SOX13: variants seen among roughly 807,000 people sequenced by gnomAD.
SOX13 encodes transcription factor SOX-13.
SOX13 carries 28 observed loss-of-function variants against 71.8 expected under a neutral mutation model. The observed-to-expected ratio is 0.39, with a 90% confidence interval of 0.29 to 0.53. SOX13 has a LOEUF of 0.53. Ranked by LOEUF, SOX13 falls within the 20% of genes least tolerant of loss-of-function variation. The pLI is 0.70. For synonymous variants in SOX13, 309 were observed against 317.8 expected (o/e 0.97, Z 0.29); for missense variants, 627 against 810.3 (o/e 0.77, Z 2.75).
At chr1:204,089,393 ACT>A (rs1274576878) in intron 1 of SOX13, among the ~76,000 whole-genome samples, 1 of 151,992 alleles carries the variant, frequency 6.6e-6, no homozygotes, top group Non-Finnish European at 1.5e-5. Context: ...CTTCCCTCCC[ACT>A]CTCATGCCCG....
At chr1:204,082,086 G>T (rs563678251) in intron 1 of SOX13, among the ~76,000 whole-genome samples, 1 of 151,320 alleles carries the variant, frequency 6.6e-6, no homozygotes, top group East Asian at 2.0e-4. Flanking sequence ...GTGTGGGGGG[G>T]AGGGAAGCTG....
chr1:204,120,443 C>G (rs1009024479), intron 7 of SOX13, among the ~76,000 whole-genome samples: 2 of 152,258 alleles, frequency 1.3e-5, no homozygotes, highest in African/African-American at 2.4e-5. Flanking sequence ...ATTAAGCAAG[C>G]AAGGTCCCTT....
At chr1:204,079,668 C>G (rs985839744) in intron 1 of SOX13, among the ~76,000 whole-genome samples, 1 of 152,088 alleles carries the variant, frequency 6.6e-6, no homozygotes, top group Non-Finnish European at 1.5e-5. Flanking sequence ...AACCTTGTAG[C>G]TACCACCTGC....
chr1:204,092,125 G>T (rs1177000547), intron 1 of SOX13, among the ~76,000 whole-genome samples: 2 of 151,636 alleles, frequency 1.3e-5, no homozygotes, highest in African/African-American at 4.9e-5. Context: ...CTAGCTCACT[G>T]CAGCCTTGAG....
At chr1:204,088,638 CAG>C (rs1571569252) in intron 1 of SOX13, among the ~76,000 whole-genome samples, 1 of 152,214 alleles carries the variant, frequency 6.6e-6, no homozygotes, top group East Asian at 1.9e-4. Flanking sequence ...TGACTGGGAA[CAG>C]AGTCAGTGTG....
intron 1 of SOX13, among the ~76,000 whole-genome samples, chr1:204,079,161 G>A (rs1655845208): frequency 6.6e-6 from 1 of 151,960 alleles, no homozygotes; most frequent in Non-Finnish European, 1.5e-5. Flanking sequence ...AGCCGGGCGT[G>A]GAGGCGTGTG....
intron 1 of SOX13, among the ~76,000 whole-genome samples, chr1:204,111,546 C>T (rs1656579449): frequency 6.6e-6 from 1 of 152,220 alleles, no homozygotes; most frequent in Non-Finnish European, 1.5e-5. Context: ...AAAGGAACAG[C>T]AGGTGCAGAG....
At chr1:204,122,015 T>C (rs766276959) in intron 8 of SOX13, 30 bp downstream of exon 8, 9 of 1,497,446 alleles carry the variant, frequency 6.0e-6, no homozygotes, top group Non-Finnish European at 6.5e-6. Context: ...GGCCTGGGGC[T>C]CCCTCTCGAG....
chr1:204,082,591 A>G (rs1655932284), intron 1 of SOX13, among the ~76,000 whole-genome samples: 1 of 152,128 alleles, frequency 6.6e-6, no homozygotes, highest in Non-Finnish European at 1.5e-5. Flanking sequence ...AGCACTTAAT[A>G]TGGGAGTGTC....
intron 1 of SOX13, among the ~76,000 whole-genome samples, chr1:204,111,072 A>G (rs1656571548): frequency 6.6e-6 from 1 of 152,220 alleles, no homozygotes; most frequent in African/African-American, 2.4e-5. Flanking sequence ...GGCATGCTGA[A>G]GCTGCTGGTC....
chr1:204,097,649 C>T (rs1656277765), intron 1 of SOX13, among the ~76,000 whole-genome samples: 2 of 149,456 alleles, frequency 1.3e-5, no homozygotes, highest in African/African-American at 5.0e-5. Context: ...CGAGATTGCG[C>T]CATTGCATTC....
intron 1 of SOX13, among the ~76,000 whole-genome samples, chr1:204,097,458 G>T (rs186348082): frequency 6.6e-6 from 1 of 152,084 alleles, no homozygotes; most frequent in Non-Finnish European, 1.5e-5. Flanking sequence ...TTGGGAGGCC[G>T]AGGTGGGTGG....
chr1:204,106,818 T>C (rs1335910563), intron 1 of SOX13, among the ~76,000 whole-genome samples: 1 of 152,058 alleles, frequency 6.6e-6, no homozygotes, highest in Non-Finnish European at 1.5e-5. Flanking sequence ...CCAAAATAAA[T>C]TAAGCGTGTA....
At position 204,126,442 on chromosome 1, in the gene SOX13, T is replaced by C. The variant is rs1656924760; in HGVS notation, c.*308T>C. 5.0e-6 allele frequency: 2 copies of C among 402,144 alleles called. No individual in the cohort carries two copies. The highest frequency in any genetic ancestry group is 3.4e-5 in the South Asian group (1 of 29,340). The allele number at this position is 402,144 out of a possible 1,614,324, so 24.9% of individuals were successfully genotyped here. A position where few individuals can be genotyped will look rare whatever the true frequency, so the allele number is the denominator to read the frequency against. ...CCTCTCCTGCAGGTGTCTATCCACC[T>C]GGGGTATGGCATCTACCGACCTGTC... On this transcript the variant is annotated 3_prime_UTR_variant, in exon 14 of 14. Transcript: ENST00000367204.
chr1:204,091,344 C>T (rs1258498158), intron 1 of SOX13, among the ~76,000 whole-genome samples: 1 of 152,150 alleles, frequency 6.6e-6, no homozygotes, highest in Non-Finnish European at 1.5e-5. Context: ...CCAGCATGTG[C>T]AGTTTCCAGC....
chr1:204,111,577 T>A (rs963408187), intron 1 of SOX13, among the ~76,000 whole-genome samples: 1 of 152,172 alleles, frequency 6.6e-6, no homozygotes. Context: ...GTCTGCCAGG[T>A]ATACCAGCTG....
rs749105527 is a variant in SOX13 at position 204,117,954 on chromosome 1, C to T, written c.775+247C>T. On this transcript the variant is annotated intron_variant, in intron 7 of 13. Transcript: ENST00000367204. ...AATGATGTAGCAATCCAGGTCTAGT[C>T]TCTCCAACTCTAGTACATTTACTGT... 8.2e-4 allele frequency: 420 copies of T among 510,056 alleles called. 1 individual carries two copies. Among genetic ancestry groups the T allele is most frequent in the Middle Eastern group, 1.6e-3 (3 of 1,900 alleles). The allele number at this position is 510,056 out of a possible 1,614,324, so 31.6% of individuals were successfully genotyped here. A position where few individuals can be genotyped will look rare whatever the true frequency, so the allele number is the denominator to read the frequency against.
chr1:204,090,408 C>CTTTTT, intron 1 of SOX13, among the ~76,000 whole-genome samples: 1 of 118,558 alleles, frequency 8.4e-6, no homozygotes, highest in Non-Finnish European at 1.8e-5. Flanking sequence ...TCTTCTTCTT[C>CTTTTT]TTTTTTTTTT....
Position 204,126,318 on chromosome 1 carries a change from G to A in SOX13, c.*184G>A. 1.5e-6 allele frequency: 1 copy of A among 676,306 alleles called. No individual in the cohort carries two copies. Among genetic ancestry groups the A allele is most frequent in the Non-Finnish European group, 2.5e-6 (1 of 402,820 alleles). The allele number at this position is 676,306 out of a possible 1,614,324, so 41.9% of individuals were successfully genotyped here. A position where few individuals can be genotyped will look rare whatever the true frequency, so the allele number is the denominator to read the frequency against. ...AGGCGCCCTCCCTTCCTGAGGAGCTGTTGGCCTGGGTGGGCAGGAACTGCA... is the reference window on the plus strand; with the variant it reads ...AGGCGCCCTCCCTTCCTGAGGAGCTATTGGCCTGGGTGGGCAGGAACTGCA... On this transcript the variant is annotated 3_prime_UTR_variant, in exon 14 of 14. Coordinates refer to ENST00000367204, the MANE Select transcript of SOX13 (RefSeq NM_005686.3).
Sources: allele counts gnomAD v4.1 joint callset (sites outside exome capture counted in the v4.1 genomes callset), GRCh38; gene constraint gnomAD v4.1.1; transcripts MANE v1.5; gene names NCBI Gene and HGNC (gene_info 2026-07-23, HGNC 2026-07-21).